The following PDGFC variants were observed in gnomAD, a reference collection of about 807,000 sequenced individuals.
The protein encoded by PDGFC is platelet derived growth factor C, also known as platelet-derived growth factor C.
PDGFC carries 12 observed loss-of-function variants against 35.5 expected under a neutral mutation model. The observed-to-expected ratio is 0.34, with a 90% CI of 0.22 to 0.55. The LOEUF (loss-of-function observed/expected upper bound fraction) is 0.55, where lower values mean the gene tolerates loss of function less well. Among genes scored for constraint, PDGFC ranks in the 20% least tolerant of loss-of-function variants. The probability of loss-of-function intolerance (pLI) is 0.91; values close to 1 mark genes in which losing one functional copy is unlikely to be tolerated. For missense variants in PDGFC, 322 were observed against 412.4 expected (o/e 0.78, Z 1.90); for synonymous variants, 159 against 148.8 (o/e 1.07, Z -0.50).
intron 1 of PDGFC, among the ~76,000 whole-genome samples, chr4:156,891,862 A>G (rs1332410569): frequency 6.6e-6 from 1 of 152,212 alleles, no homozygotes; most frequent in Non-Finnish European, 1.5e-5. Context: ...CATTCCCCCT[A>G]AAAAGAAACT....
intron 1 of PDGFC, among the ~76,000 whole-genome samples, chr4:156,863,881 T>C (rs111644465): frequency 0.016 from 2,428 of 152,244 alleles, 64 homozygotes; most frequent in African/African-American, 0.055. Context: ...TCACAATGAA[T>C]TCAATTTTCA....
intron 1 of PDGFC, among the ~76,000 whole-genome samples, chr4:156,948,145 T>C (rs1458129293): frequency 1.4e-5 from 2 of 142,454 alleles, no homozygotes; most frequent in Non-Finnish European, 3.0e-5. Flanking sequence ...TTCCAACAAG[T>C]GTACTAAAAA....
intron 3 of PDGFC, among the ~76,000 whole-genome samples, chr4:156,794,328 T>C (rs1257192004): frequency 6.6e-6 from 1 of 152,156 alleles, no homozygotes; most frequent in Non-Finnish European, 1.5e-5. Flanking sequence ...ACTAAGGAGT[T>C]GTTTTAACTT....
At chr4:156,800,282 C>T (rs1731564261) in intron 3 of PDGFC, among the ~76,000 whole-genome samples, 1 of 152,104 alleles carries the variant, frequency 6.6e-6, no homozygotes, top group Admixed American at 6.5e-5. Context: ...TTTCCAAAAG[C>T]TTAAAATATA....
chr4:156,904,541 G>A (rs148734433), intron 1 of PDGFC, among the ~76,000 whole-genome samples: 2,486 of 152,046 alleles, frequency 0.016, 75 homozygotes, highest in African/African-American at 0.057. Context: ...TCATTTACAA[G>A]ATCCAAATAA....
At chr4:156,943,238 T>TA (rs1731856581) in intron 1 of PDGFC, among the ~76,000 whole-genome samples, 1 of 152,092 alleles carries the variant, frequency 6.6e-6, no homozygotes, top group African/African-American at 2.4e-5. Context: ...AGGGAATTAA[T>TA]ACCTATGATG....
chr4:156,944,030 A>G (rs1314186735), intron 1 of PDGFC, among the ~76,000 whole-genome samples: 1 of 152,136 alleles, frequency 6.6e-6, no homozygotes, highest in African/African-American at 2.4e-5. Flanking sequence ...AAATTGAGCA[A>G]GTCTGCTTAG....
chr4:156,929,488 A>C (rs934570578), intron 1 of PDGFC, among the ~76,000 whole-genome samples: 11 of 152,052 alleles, frequency 7.2e-5, no homozygotes, highest in African/African-American at 2.7e-4. Flanking sequence ...CAATAAAAAA[A>C]ACAGAACTAC....
intron 1 of PDGFC, among the ~76,000 whole-genome samples, chr4:156,868,754 T>A (rs892272221): frequency 2.6e-5 from 4 of 152,208 alleles, no homozygotes; most frequent in Non-Finnish European, 2.9e-5. Context: ...CTTACTTCCT[T>A]TACTATCTTA....
At chr4:156,890,482 C>T (rs1730477581) in intron 1 of PDGFC, among the ~76,000 whole-genome samples, 1 of 152,248 alleles carries the variant, frequency 6.6e-6, no homozygotes, top group Non-Finnish European at 1.5e-5. Flanking sequence ...CTCATTCCTC[C>T]CACCCTTCCA....
At chr4:156,812,212 A>T (rs1169703565) in intron 2 of PDGFC, among the ~76,000 whole-genome samples, 1 of 152,038 alleles carries the variant, frequency 6.6e-6, no homozygotes, top group Non-Finnish European at 1.5e-5. Flanking sequence ...CCCAACTAAA[A>T]CAAACATATT....
At chr4:156,843,332 AG>A (rs1480618255) in intron 2 of PDGFC, among the ~76,000 whole-genome samples, 2 of 152,206 alleles carry the variant, frequency 1.3e-5, no homozygotes, top group African/African-American at 4.8e-5. Context: ...CAGAACTGTG[AG>A]AAATAAAATT....
intron 1 of PDGFC, among the ~76,000 whole-genome samples, chr4:156,883,255 T>C (rs1473802756): frequency 6.6e-6 from 1 of 152,196 alleles, no homozygotes; most frequent in Non-Finnish European, 1.5e-5. Flanking sequence ...ATTGCACAGT[T>C]AAGAATTTTT....
chr4:156,808,712 T>C (rs1731843313), intron 3 of PDGFC, among the ~76,000 whole-genome samples: 1 of 151,958 alleles, frequency 6.6e-6, no homozygotes, highest in African/African-American at 2.4e-5. Flanking sequence ...ATTCAAAACA[T>C]TCTGCAAGGC....
intron 2 of PDGFC, among the ~76,000 whole-genome samples, chr4:156,824,349 C>CACACACACACACAT (rs1553967655): frequency 1.1e-4 from 15 of 134,510 alleles, no homozygotes; most frequent in African/African-American, 4.4e-4. Context: ...CACACACACA[C>CACACACACACACAT]ATATACACAC....
intron 1 of PDGFC, among the ~76,000 whole-genome samples, chr4:156,929,405 A>C (rs1188577750): frequency 6.6e-6 from 1 of 152,070 alleles, no homozygotes; most frequent in African/African-American, 2.4e-5. Flanking sequence ...AAAAGGGAGA[A>C]AAGTGGCATA....
chr4:156,816,803 G>A (rs1050315470), intron 2 of PDGFC, among the ~76,000 whole-genome samples: 6 of 152,150 alleles, frequency 3.9e-5, no homozygotes, highest in African/African-American at 9.7e-5. Context: ...TAACTGCAGA[G>A]AATTTCTGTA....
Position 156,779,274 on chromosome 4 carries a change from T to A in PDGFC, c.496-6381A>T, listed in dbSNP as rs1463416521. ...TATCTGGGTCATGTTTTTAAATTATTTTTAAGCCGGCAATGAAAAGCAAAT... is the reference window on the plus strand; with the variant it reads ...TATCTGGGTCATGTTTTTAAATTATATTTAAGCCGGCAATGAAAAGCAAAT... On this transcript the variant is annotated intron_variant, in intron 3 of 5. Coordinates refer to ENST00000502773, the MANE Select transcript of PDGFC (RefSeq NM_016205.3). 3 of 441,018 alleles carry A rather than the reference T, an allele frequency of 6.8e-6. No homozygotes were observed. In the East Asian group the frequency reaches 2.1e-4, roughly 31 times the overall value. The allele number at this position is 441,018 out of a possible 1,614,324, so 27.3% of individuals were successfully genotyped here. A position where few individuals can be genotyped will look rare whatever the true frequency, so the allele number is the denominator to read the frequency against.
intron 3 of PDGFC, among the ~76,000 whole-genome samples, chr4:156,809,603 T>A (rs1483345569): frequency 1.3e-5 from 2 of 152,046 alleles, no homozygotes; most frequent in African/African-American, 4.8e-5. Flanking sequence ...GTCTACTATG[T>A]ATATGTGTAA....
Sources: allele counts gnomAD v4.1 joint callset (sites outside exome capture counted in the v4.1 genomes callset), GRCh38; gene constraint gnomAD v4.1.1; transcripts MANE v1.5; gene names NCBI Gene and HGNC (gene_info 2026-07-23, HGNC 2026-07-21).